The following SLC9C1 variants were observed in gnomAD, a reference collection of about 807,000 sequenced individuals.
SLC9C1 encodes the protein solute carrier family 9 member C1.
Under a neutral mutation model 140.9 loss-of-function variants are expected in SLC9C1, and 97 were observed. The observed-to-expected ratio is 0.69, with a 90% CI of 0.58 to 0.82. The LOEUF is 0.82. SLC9C1 is among the 40% of genes least tolerant of loss of function. SLC9C1 has a pLI of 0.00. For synonymous variants in SLC9C1, 440 were observed against 442.6 expected (o/e 0.99, Z 0.07); for missense variants, 1,340 against 1,389.3 (o/e 0.96, Z 0.56).
chr3:112,247,552 T>A (rs2079322307), intron 10 of SLC9C1, among the ~76,000 whole-genome samples: 1 of 152,194 alleles, frequency 6.6e-6, no homozygotes, highest in African/African-American at 2.4e-5. Flanking sequence ...CTCAGCATAT[T>A]AAGCTGCACA....
rs2078110016 is a variant in SLC9C1 at position 112,208,246 on chromosome 3, A to G, written c.1918T>C (p.Tyr640His). 2 of 1,612,294 alleles carry G rather than the reference A, an allele frequency of 1.2e-6. No homozygotes were observed. Among genetic ancestry groups the G allele is most frequent in the Non-Finnish European group, 1.7e-6 (2 of 1,179,102 alleles). ...ISWISQLNVI[Y>H]HSELKHTNYC... is the part of the protein sequence containing the mutation. ...TTAGTGTGTTTTAATTCGCTGTGGT[A>G]GATTACATTTAACTGGGATATCCAA... Residue 640 changes from tyrosine (Y) to histidine (H), a missense_variant, in exon 16 of 29, where the codon TAC becomes CAC. Coordinates refer to ENST00000305815, the MANE Select transcript of SLC9C1 (RefSeq NM_183061.3).
intron 23 of SLC9C1, among the ~76,000 whole-genome samples, chr3:112,175,360 C>T (rs1474295827): frequency 6.6e-6 from 1 of 152,072 alleles, no homozygotes; most frequent in Non-Finnish European, 1.5e-5. Context: ...TATTGCCAGC[C>T]CGAACACACC....
At chr3:112,154,530 G>A (rs182891654) in intron 27 of SLC9C1, among the ~76,000 whole-genome samples, 5 of 152,232 alleles carry the variant, frequency 3.3e-5, no homozygotes, top group Admixed American at 1.3e-4. Flanking sequence ...AGGTTAGCCG[G>A]GATATATTTT....
intron 23 of SLC9C1, among the ~76,000 whole-genome samples, chr3:112,176,515 T>A (rs1379862322): frequency 6.6e-6 from 1 of 152,226 alleles, no homozygotes; most frequent in Non-Finnish European, 1.5e-5. Context: ...GTCTGGACAA[T>A]CTCCATGATG....
At chr3:112,141,832 T>C (rs1393529412) in intron 28 of SLC9C1, among the ~76,000 whole-genome samples, 3 of 152,194 alleles carry the variant, frequency 2.0e-5, no homozygotes, top group African/African-American at 7.2e-5. Context: ...ATTAAATAAC[T>C]TGTATTGATC....
chr3:112,186,643 A>C (rs2077546482), intron 20 of SLC9C1, among the ~76,000 whole-genome samples: 1 of 152,242 alleles, frequency 6.6e-6, no homozygotes, highest in Non-Finnish European at 1.5e-5. Context: ...TGTTAAAATT[A>C]GTCAAAATAG....
intron 28 of SLC9C1, among the ~76,000 whole-genome samples, chr3:112,146,062 C>T (rs931051042): frequency 7.2e-5 from 11 of 152,104 alleles, no homozygotes; most frequent in African/African-American, 2.2e-4. Context: ...AGCAGAAAAA[C>T]GGACTGATAC....
Position 112,291,498 on chromosome 3 carries a change from C to T in SLC9C1, c.-88+2595G>A, listed in dbSNP as rs146984947. Among the ~76,000 whole-genome samples, 3 of 151,656 alleles carry T rather than the reference C, an allele frequency of 2.0e-5. No individual in the cohort carries two copies. In the East Asian group the frequency reaches 5.8e-4, roughly 29 times the overall value. On this transcript the variant is annotated intron_variant, in intron 1 of 28. Coordinates refer to ENST00000305815, the MANE Select transcript of SLC9C1 (RefSeq NM_183061.3). ...AAAAAGAAGACATACATGCTGCCAA[C>T]AAGCATATGAAAAAAAAAGCTTAAC... is the stretch of plus-strand genomic sequence containing the variant.
intron 26 of SLC9C1, among the ~76,000 whole-genome samples, chr3:112,155,293 A>G (rs2075098426): frequency 6.6e-6 from 1 of 152,220 alleles, no homozygotes; most frequent in Non-Finnish European, 1.5e-5. Flanking sequence ...AAAATCATCT[A>G]TCATTCCAAT....
At chr3:112,209,594 T>C (rs976701294) in intron 15 of SLC9C1, among the ~76,000 whole-genome samples, 5 of 151,904 alleles carry the variant, frequency 3.3e-5, no homozygotes, top group African/African-American at 9.7e-5. Context: ...ATATTGAAAA[T>C]CCTAGAGAAT....
intron 12 of SLC9C1, among the ~76,000 whole-genome samples, chr3:112,239,538 T>G (rs948382335): frequency 1.3e-5 from 2 of 152,232 alleles, no homozygotes; most frequent in Non-Finnish European, 2.9e-5. Flanking sequence ...ACCCGTCTTC[T>G]GCATCACTCA....
In SLC9C1 at chr3:112,280,728, AAAT is replaced by A; in HGVS notation, c.141_143del (p.Leu47del). ...ATACTTCAAAACTGCATCCAAGTAA[AAAT>A]AATATCACAGGGACAGGAATTGGAA... On this transcript the variant is annotated inframe_deletion, in exon 3 of 29. Coordinates refer to ENST00000305815, the MANE Select transcript of SLC9C1 (RefSeq NM_183061.3). 6.2e-7 allele frequency: 1 copy of A among 1,612,190 alleles called. No homozygotes were observed. Among genetic ancestry groups the A allele is most frequent in the Non-Finnish European group, 8.5e-7 (1 of 1,179,540 alleles).
chr3:112,166,271 A>C (rs956438473), intron 26 of SLC9C1, among the ~76,000 whole-genome samples: 3 of 152,210 alleles, frequency 2.0e-5, no homozygotes, highest in Non-Finnish European at 4.4e-5. Flanking sequence ...CGCTGCACCC[A>C]CTGTCCTGCA....
intron 25 of SLC9C1, among the ~76,000 whole-genome samples, chr3:112,168,656 T>C (rs1020419368): frequency 5.3e-5 from 8 of 152,170 alleles, no homozygotes; most frequent in East Asian, 1.9e-4. Context: ...TGGGAATAGC[T>C]TGTGCTTGGG....
intron 1 of SLC9C1, among the ~76,000 whole-genome samples, chr3:112,288,724 C>A (rs957820877): frequency 1.2e-4 from 19 of 152,164 alleles, no homozygotes; most frequent in Non-Finnish European, 2.6e-4. Context: ...CGTGACACTG[C>A]ATTCCAACCG....
intron 16 of SLC9C1, among the ~76,000 whole-genome samples, chr3:112,205,628 C>CCTCACGCTACATGACTTCAACCT (rs1252368034): frequency 3.2e-5 from 2 of 62,706 alleles, no homozygotes; most frequent in African/African-American, 4.9e-5. Context: ...AAGCTGGAAA[C>CCTCACGCTACATGACTTCAACCT]AGCATGGTAC....
At chr3:112,240,098 C>T in intron 11 of SLC9C1, 92 bp from the exon 12 acceptor site, 1 of 1,174,620 alleles carries the variant, frequency 8.5e-7, no homozygotes, top group Non-Finnish European at 1.2e-6. Context: ...CTTATTGTCA[C>T]TAATCTTTAA....
intron 27 of SLC9C1, among the ~76,000 whole-genome samples, chr3:112,154,246 G>A (rs187780747): frequency 4.3e-4 from 66 of 152,252 alleles, no homozygotes; most frequent in Non-Finnish European, 8.2e-4. Flanking sequence ...ATCTTCTGGA[G>A]CAATATAAAC....
At chr3:112,184,712 G>A (rs923540525) in intron 20 of SLC9C1, among the ~76,000 whole-genome samples, 4 of 152,186 alleles carry the variant, frequency 2.6e-5, no homozygotes, top group African/African-American at 9.7e-5. Flanking sequence ...GCTGTCAAAG[G>A]GTGGCTGCTG....
Sources: allele counts gnomAD v4.1 joint callset (sites outside exome capture counted in the v4.1 genomes callset), GRCh38; gene constraint gnomAD v4.1.1; transcripts MANE v1.5; gene names NCBI Gene and HGNC (gene_info 2026-07-23, HGNC 2026-07-21).